TDRD7: variants seen among roughly 807,000 people sequenced by gnomAD.
The protein encoded by TDRD7 is tudor domain-containing protein 7.
Under a neutral mutation model 109.8 loss-of-function variants are expected in TDRD7, and 47 were observed. The observed-to-expected ratio is 0.43, with a 90% CI of 0.34 to 0.55. The LOEUF is 0.55. TDRD7 is among the 20% of genes least tolerant of loss of function. The pLI is 0.03. For synonymous variants in TDRD7, 424 were observed against 457.3 expected, an observed-to-expected ratio of 0.93 and a Z score of 0.93; for missense variants, 1,164 against 1,319.2, an observed-to-expected ratio of 0.88 and a Z score of 1.82.
At chr9:97,492,626 G>A (rs1829326107) in intron 16 of TDRD7, among the ~76,000 whole-genome samples, 1 of 152,188 alleles carries the variant, frequency 6.6e-6, no homozygotes, top group Non-Finnish European at 1.5e-5. Flanking sequence ...AAAACTCATA[G>A]TCCAAATACA....
In TDRD7 at chr9:97,460,681, A is replaced by G; in HGVS notation, c.1359A>G (p.Thr453=). 2 of 1,614,210 alleles carry G rather than the reference A, an allele frequency of 1.2e-6. No homozygotes were observed. The highest frequency in any genetic ancestry group is 1.7e-4 in the Middle Eastern group (1 of 6,060). ...ESANTFMEDI[T]VPPLMIPTEA... is the part of the protein sequence containing the mutation. The stretch of plus-strand genomic sequence containing the variant: ...CTAATACCTTTATGGAGGACATAAC[A>G]GTTCCTCCTTTAATGATTCCAACTG... The change falls in exon 7 of 17, where the codon ACA becomes ACG. Residue 453 remains threonine, a synonymous_variant. Coordinates refer to ENST00000355295, the MANE Select transcript of TDRD7 (RefSeq NM_014290.3).
chr9:97,434,656 C>T (rs1378600307), intron 4 of TDRD7, among the ~76,000 whole-genome samples: 1 of 152,110 alleles, frequency 6.6e-6, no homozygotes, highest in African/African-American at 2.4e-5. Flanking sequence ...TAGGGCCCAG[C>T]AGTTGCGCTC....
intron 16 of TDRD7, among the ~76,000 whole-genome samples, chr9:97,490,777 A>G (rs1356615771): frequency 6.6e-6 from 1 of 150,504 alleles, no homozygotes; most frequent in Non-Finnish European, 1.5e-5. Context: ...TCAGTTTTGA[A>G]AGTTTCTGTT....
At chr9:97,488,002 A>G (rs910297235) in intron 16 of TDRD7, among the ~76,000 whole-genome samples, 1 of 152,212 alleles carries the variant, frequency 6.6e-6, no homozygotes, top group African/African-American at 2.4e-5. Context: ...ATTTCACCAC[A>G]TTCACATCAG....
At chr9:97,460,788 T>C (rs745710762) in intron 7 of TDRD7, 24 bp downstream of exon 7, 4 of 1,596,310 alleles carry the variant, frequency 2.5e-6, no homozygotes, top group East Asian at 2.2e-5. Flanking sequence ...TCTAATTCTT[T>C]AGGATTCTGA....
At position 97,431,081 on chromosome 9, in the gene TDRD7, G is replaced by A; in HGVS notation, c.349+7G>A. ...ATGCCATTTTTTCTAGAAGGTAGGA[G>A]CTTTTTACATGCTAAAATTTTTAGG... On this transcript the variant is annotated splice_region_variant and intron_variant, in intron 3 of 16. Coordinates refer to ENST00000355295, the MANE Select transcript of TDRD7 (RefSeq NM_014290.3). 1 of 1,613,718 alleles carries A rather than the reference G, an allele frequency of 6.2e-7. No individual in the cohort carries two copies. The highest frequency in any genetic ancestry group is 8.5e-7 in the Non-Finnish European group (1 of 1,179,720).
chr9:97,443,577 G>A (rs1401951096), intron 6 of TDRD7, among the ~76,000 whole-genome samples: 1 of 152,006 alleles, frequency 6.6e-6, no homozygotes, highest in African/African-American at 2.4e-5. Context: ...TTCCTCACTC[G>A]ATGCAGGTTT....
chr9:97,475,545 A>G, intron 12 of TDRD7, 76 bp downstream of exon 12: 4 of 1,019,852 alleles, frequency 3.9e-6, no homozygotes, highest in Non-Finnish European at 6.0e-6. Flanking sequence ...GTTTTTTTAA[A>G]AAATTGAATA....
At chr9:97,421,743 T>TGA (rs1477845457) in intron 1 of TDRD7, among the ~76,000 whole-genome samples, 33 of 126,750 alleles carry the variant, frequency 2.6e-4, no homozygotes, top group Admixed American at 2.1e-3. Flanking sequence ...TGTGTGTGTG[T>TGA]GAAGACGGAG....
At chr9:97,455,236 C>T (rs1014035454) in intron 6 of TDRD7, among the ~76,000 whole-genome samples, 1 of 152,142 alleles carries the variant, frequency 6.6e-6, no homozygotes, top group Non-Finnish European at 1.5e-5. Flanking sequence ...CAGCTGAATT[C>T]TACCAGAAAT....
intron 6 of TDRD7, among the ~76,000 whole-genome samples, chr9:97,458,079 TAACA>T (rs934254887): frequency 3.3e-5 from 5 of 152,196 alleles, no homozygotes; most frequent in African/African-American, 4.8e-5. Flanking sequence ...TATACCTATG[TAACA>T]AACCTGCACA....
At chr9:97,462,048 G>A (rs1268531235) in intron 7 of TDRD7, among the ~76,000 whole-genome samples, 1 of 152,188 alleles carries the variant, frequency 6.6e-6, no homozygotes, top group East Asian at 1.9e-4. Flanking sequence ...ATGTGGTGTG[G>A]CCTGAAGATA....
intron 5 of TDRD7, among the ~76,000 whole-genome samples, chr9:97,441,224 AG>A (rs1272196341): frequency 1.2e-4 from 19 of 152,216 alleles, no homozygotes; most frequent in Admixed American, 1.2e-3. Flanking sequence ...AAGATCAAAA[AG>A]TTATTTGATC....
intron 12 of TDRD7, 110 bp from the exon 13 acceptor site, chr9:97,478,329 T>G (rs1829058681): frequency 8.6e-7 from 1 of 1,162,702 alleles, no homozygotes. Context: ...TTAACACTGA[T>G]AGTCTGTTCC....
At chr9:97,469,504 A>G (rs1255198200) in intron 8 of TDRD7, among the ~76,000 whole-genome samples, 3 of 152,186 alleles carry the variant, frequency 2.0e-5, no homozygotes, top group Non-Finnish European at 4.4e-5. Context: ...GTTTAGTACC[A>G]TAATCTAGGT....
intron 9 of TDRD7, 95 bp downstream of exon 9, chr9:97,470,764 A>C (rs1828897123): frequency 1.7e-4 from 149 of 854,464 alleles, no homozygotes; most frequent in Non-Finnish European, 2.4e-4. Context: ...TAAGTATCTC[A>C]TGTTATAATG....
intron 7 of TDRD7, 54 bp from the exon 8 acceptor site, chr9:97,464,788 G>C: frequency 3.7e-6 from 6 of 1,603,910 alleles, no homozygotes; most frequent in Non-Finnish European, 5.1e-6. Flanking sequence ...AATTCCTATT[G>C]CTTTTCTTCT....
intron 8 of TDRD7, among the ~76,000 whole-genome samples, chr9:97,468,244 C>T (rs778523528): frequency 1.3e-5 from 2 of 152,134 alleles, no homozygotes; most frequent in African/African-American, 2.4e-5. Context: ...GGGCCTGGGC[C>T]CAGGTCCTGA....
At chr9:97,431,193 C>A in intron 3 of TDRD7, 119 bp downstream of exon 3, 1 of 1,442,684 alleles carries the variant, frequency 6.9e-7, no homozygotes, top group Non-Finnish European at 9.7e-7. Context: ...ATACATATGT[C>A]AGGGGAAAGA....
Sources: allele counts gnomAD v4.1 joint callset (sites outside exome capture counted in the v4.1 genomes callset), GRCh38; gene constraint gnomAD v4.1.1; transcripts MANE v1.5; gene names NCBI Gene and HGNC (gene_info 2026-07-23, HGNC 2026-07-21).